The following SERPINC1 variants were observed in gnomAD, a reference collection of about 807,000 sequenced individuals.
SERPINC1 encodes the protein serpin family C member 1.
A neutral mutation model predicts 43.4 loss-of-function variants in SERPINC1; 12 were observed. The ratio of observed to expected loss-of-function variants is 0.28; its 90% CI spans 0.18 to 0.45. The LOEUF (loss-of-function observed/expected upper bound fraction) is 0.45. SERPINC1 is among the 20% of genes least tolerant of loss of function. SERPINC1 has a pLI of 1.00. For missense variants in SERPINC1, 423 were observed against 578.8 expected (o/e 0.73, Z 2.76); for synonymous variants, 210 against 218.9 (o/e 0.96, Z 0.36).
At chr1:173,911,245 A>G (rs1657757924) in intron 3 of SERPINC1, among the ~76,000 whole-genome samples, 1 of 152,246 alleles carries the variant, frequency 6.6e-6, no homozygotes, top group Non-Finnish European at 1.5e-5. Flanking sequence ...GTGCCAGGGG[A>G]AGCAATGAAT....
Position 173,904,007 on chromosome 1 carries a change from G to A in SERPINC1, c.1277C>T (p.Ser426Leu), listed in dbSNP as rs121909550. The A allele has an allele frequency of 1.2e-6, 2 of 1,614,024 alleles. No homozygotes were observed. The highest frequency in any genetic ancestry group is 1.3e-5 in the African/African-American group (1 of 74,914). The part of the protein sequence containing the change: ...ASTAVVIAGR[S>L]LNPNRVTFKA... ...GAAAGTCACCCTGTTGGGGTTTAGC[G>A]AACGGCCAGCAATCACAACAGCGGT... Residue 426 changes from serine to leucine, a missense_variant, in exon 7 of 7, where the codon TCG (serine) becomes TTG (leucine). Physicochemically the swap from Ser to Leu is moderately radical, Grantham distance 145. Transcript: ENST00000367698.
At chr1:173,913,692 T>C (rs1451708765) in intron 2 of SERPINC1, among the ~76,000 whole-genome samples, 3 of 151,866 alleles carry the variant, frequency 2.0e-5, no homozygotes, top group Non-Finnish European at 4.4e-5. Context: ...CCATCTCTAC[T>C]AAGAAGAAAA....
intron 5 of SERPINC1, among the ~76,000 whole-genome samples, chr1:173,908,562 A>G (rs1381289616): frequency 1.4e-5 from 2 of 145,624 alleles, no homozygotes; most frequent in Admixed American, 6.8e-5. Context: ...TTATTTTATT[A>G]TTTATTTATT....
chr1:173,916,224 G>A (rs868259531), intron 1 of SERPINC1, among the ~76,000 whole-genome samples: 46 of 152,362 alleles, frequency 3.0e-4, no homozygotes, highest in African/African-American at 1.0e-3. Flanking sequence ...ACAGGGTGGG[G>A]CAGGGGCTGC....
rs1221523692 is a variant in SERPINC1, at chr1:173,914,637, A to G, written c.324T>C (p.Ile108=). Residue 108 remains isoleucine (I), a synonymous_variant, in exon 2 of 7, where the codon ATT becomes ATC. Transcript: ENST00000367698. ...LADSKNDNDN[I]FLSPLSISTA... ...TGGAGATACTCAGGGGTGACAGGAA[A>G]ATGTTATCATTGTCATTCTTGGAAT... The G allele has an allele frequency of 6.2e-7, 1 of 1,614,192 alleles. No homozygotes were observed. Among genetic ancestry groups the G allele is most frequent in the Non-Finnish European group, 8.5e-7 (1 of 1,180,036 alleles).
At chr1:173,912,102 A>T in intron 2 of SERPINC1, 88 bp from the exon 3 acceptor site, 1 of 893,086 alleles carries the variant, frequency 1.1e-6, no homozygotes, top group Non-Finnish European at 1.9e-6. Flanking sequence ...GTCTCTGACT[A>T]ATAGCCACCT....
intron 2 of SERPINC1, among the ~76,000 whole-genome samples, chr1:173,912,832 GTGTTC>G (rs1324075149): frequency 1.3e-5 from 2 of 152,196 alleles, no homozygotes; most frequent in African/African-American, 4.8e-5. Flanking sequence ...TTTGGAAGCA[GTGTTC>G]TGTTCTGTTC....
chr1:173,904,492 A>G (rs1657403945), intron 6 of SERPINC1, among the ~76,000 whole-genome samples: 1 of 152,178 alleles, frequency 6.6e-6, no homozygotes, highest in African/African-American at 2.4e-5. Context: ...TACTCCAAAG[A>G]GCCACTCAGG....
chr1:173,910,667 G>C, intron 4 of SERPINC1, 87 bp downstream of exon 4: 2 of 1,330,650 alleles, frequency 1.5e-6, no homozygotes. Flanking sequence ...CCCTCTCAGG[G>C]CTTCGGTCTC....
intron 4 of SERPINC1, 38 bp from the exon 5 acceptor site, chr1:173,909,980 T>C: frequency 1.2e-6 from 2 of 1,602,840 alleles, no homozygotes; most frequent in Middle Eastern, 1.7e-4. Flanking sequence ...CAAACATTCA[T>C]AGGAGGATAG....
chr1:173,914,059 T>C (rs113244633), intron 2 of SERPINC1, among the ~76,000 whole-genome samples: 2,080 of 146,824 alleles, frequency 0.014, 54 homozygotes, highest in African/African-American at 0.049. Flanking sequence ...GCCTGGGCAA[T>C]AGAGCGAGAT....
intron 2 of SERPINC1, 131 bp downstream of exon 2, chr1:173,914,422 A>T: frequency 1.0e-6 from 1 of 983,212 alleles, no homozygotes. Flanking sequence ...TGATGTTCAA[A>T]GGGAATCGTA....
In SERPINC1 at chr1:173,917,204, G is replaced by T. The variant is rs1456952624; in HGVS notation, c.41+15C>A. On this transcript the variant is annotated intron_variant, in intron 1 of 6. Transcript: ENST00000367698. ...CCCAGTAGGGGCAGGCAAGGGGAAA[G>T]CTCACCCCTCTTACCTTTTTCCAGA... is the stretch of plus-strand genomic sequence containing the variant. 1.9e-6 allele frequency: 3 copies of T among 1,612,832 alleles called. No homozygotes were observed. Among genetic ancestry groups the T allele is most frequent in the Non-Finnish European group, 2.5e-6 (3 of 1,179,020 alleles).
chr1:173,912,174 T>C (rs1291445526), intron 2 of SERPINC1, among the ~76,000 whole-genome samples, 160 bp from the exon 3 acceptor site: 1 of 152,154 alleles, frequency 6.6e-6, no homozygotes, highest in Admixed American at 6.5e-5. Flanking sequence ...TCTTGTGTTC[T>C]GATGAATAAA....
chr1:173,905,442 G>A (rs762464385), intron 6 of SERPINC1, among the ~76,000 whole-genome samples: 6 of 149,408 alleles, frequency 4.0e-5, no homozygotes, highest in Non-Finnish European at 8.9e-5. Context: ...TCAGTAGGCC[G>A]GGCACGGTGG....
rs369894034 is a variant in SERPINC1, at chr1:173,909,537, C to T, written c.1153+15G>A. ...TTGCGGGTGGAGAAGGGAGGAAACT[C>T]CTTCCTAGACAAACCTGGGAGTTTG... On this transcript the variant is annotated intron_variant, in intron 5 of 6. Coordinates refer to ENST00000367698, the MANE Select transcript of SERPINC1 (RefSeq NM_000488.4). 2 of 1,612,974 alleles carry T rather than the reference C, an allele frequency of 1.2e-6. No homozygotes were observed. The highest frequency in any genetic ancestry group is 1.7e-5 in the Admixed American group (1 of 60,004).
chr1:173,913,689 T>A (rs951200562), intron 2 of SERPINC1, among the ~76,000 whole-genome samples: 4 of 152,028 alleles, frequency 2.6e-5, no homozygotes, highest in African/African-American at 4.8e-5. Context: ...ACCCCATCTC[T>A]ACTAAGAAGA....
At chr1:173,915,731 C>T (rs1411625151) in intron 1 of SERPINC1, among the ~76,000 whole-genome samples, 1 of 152,194 alleles carries the variant, frequency 6.6e-6, no homozygotes, top group East Asian at 1.9e-4. Context: ...TATCTGTGTG[C>T]TGAAGATTCC....
Position 173,914,915 on chromosome 1 carries a change from C to T in SERPINC1, c.46G>A (p.Val16Ile), listed in dbSNP as rs986804201. 1 of 1,613,288 alleles carries T rather than the reference C, an allele frequency of 6.2e-7. No homozygotes were observed. The highest frequency in any genetic ancestry group is 8.5e-7 in the Non-Finnish European group (1 of 1,180,034). Residue 16 changes from valine (V) to isoleucine (I), a missense_variant, in exon 2 of 7, where the codon GTT becomes ATT. Coordinates refer to ENST00000367698, the MANE Select transcript of SERPINC1 (RefSeq NM_000488.4). ...ATGAGCAGCAAGGACAAAAGATAAA[C>T]CTTCCTGCAAGGAGACAAAATGCCA... Reference protein sequence around the residue: ...IGTVTSGKRKVYLLSLLLIGF... With the variant: ...IGTVTSGKRKIYLLSLLLIGF...
Sources: gnomAD v4.1 joint callset for allele counts (sites outside exome capture counted in the v4.1 genomes callset) on GRCh38, gnomAD v4.1.1 for gene constraint, MANE v1.5 for transcripts, NCBI Gene and HGNC (gene_info 2026-07-23, HGNC 2026-07-21) for gene names.